Variants in FAXC observed in about 807,000 individuals in gnomAD.
FAXC encodes the protein failed axon connections homolog, metaxin like GST domain containing.
In FAXC, 10 loss-of-function variants were observed where a neutral mutation model predicts 41.9. The observed-to-expected ratio is 0.24, with a 90% CI of 0.15 to 0.41. The LOEUF is 0.41. FAXC is among the 10% of genes least tolerant of loss of function. The pLI, the probability that FAXC is intolerant of heterozygous loss-of-function variation, is 1.00. For missense variants in FAXC, 399 were observed against 510.9 expected, an observed-to-expected ratio of 0.78 and a Z score of 2.11; for synonymous variants, 183 against 183.8, an observed-to-expected ratio of 1.00 and a Z score of 0.03.
chr6:99,332,709 A>G (rs1320427161), intron 3 of FAXC, among the ~76,000 whole-genome samples: 1 of 152,202 alleles, frequency 6.6e-6, no homozygotes, highest in East Asian at 1.9e-4. Flanking sequence ...CTTCTGGAAC[A>G]TACAGAAGCT....
At chr6:99,299,247 C>T (rs942658982) in intron 4 of FAXC, among the ~76,000 whole-genome samples, 1 of 152,184 alleles carries the variant, frequency 6.6e-6, no homozygotes, top group Non-Finnish European at 1.5e-5. Flanking sequence ...ATCTCATCTC[C>T]TTCCTCCCTA....
At chr6:99,320,308 T>A (rs1171864058) in intron 4 of FAXC, among the ~76,000 whole-genome samples, 2 of 152,200 alleles carry the variant, frequency 1.3e-5, no homozygotes, top group African/African-American at 2.4e-5. Context: ...ATTAATGTAT[T>A]TTATATCATA....
At position 99,349,171 on chromosome 6, in the gene FAXC, A is replaced by C; in HGVS notation, c.202T>G (p.Tyr68Asp). ...GSDPWWKKTL[Y>D]LTGGALLAAA... ...GCCAGCAAAGCTCCCCCGGTCAAGT[A>C]AAGGGTTTTCTTCCACCAGGGATCG... The change falls in exon 1 of 6, where the codon TAC becomes GAC. Residue 68 changes from tyrosine to aspartate, a missense_variant. By Grantham distance (160) the Tyr-to-Asp change is radical. This residue lies in a region of FAXC where 239 missense variants were observed against 352.7 expected (regional missense o/e 0.68). Coordinates refer to ENST00000389677, the MANE Select transcript of FAXC (RefSeq NM_032511.4). The C allele has an allele frequency of 6.2e-7, 1 of 1,613,842 alleles. No homozygotes were observed. The highest frequency in any genetic ancestry group is 8.5e-7 in the Non-Finnish European group (1 of 1,180,002).
At chr6:99,339,941 A>C (rs1773359598) in intron 2 of FAXC, among the ~76,000 whole-genome samples, 1 of 152,228 alleles carries the variant, frequency 6.6e-6, no homozygotes, top group Non-Finnish European at 1.5e-5. Context: ...AGAATTCAAA[A>C]GAGATGAAAG....
chr6:99,285,061 G>A (rs1272155734), intron 5 of FAXC, among the ~76,000 whole-genome samples: 1 of 151,668 alleles, frequency 6.6e-6, no homozygotes, highest in Admixed American at 6.6e-5. Context: ...CAATGCTGAT[G>A]AGGATGTGGA....
intron 5 of FAXC, among the ~76,000 whole-genome samples, chr6:99,289,689 A>ATGTGTGTG (rs58098982): frequency 6.8e-6 from 1 of 146,588 alleles, no homozygotes; most frequent in Non-Finnish European, 1.5e-5. Context: ...ACATATGTAT[A>ATGTGTGTG]TGTGTGTGTG....
intron 4 of FAXC, among the ~76,000 whole-genome samples, chr6:99,305,688 T>C (rs982868978): frequency 2.8e-5 from 4 of 142,378 alleles, no homozygotes; most frequent in African/African-American, 1.1e-4. Flanking sequence ...TTATATATTA[T>C]ACATATATGC....
chr6:99,303,138 G>A (rs1401724357), intron 4 of FAXC, among the ~76,000 whole-genome samples: 2 of 152,152 alleles, frequency 1.3e-5, no homozygotes, highest in Non-Finnish European at 2.9e-5. Context: ...TAACCTCTCC[G>A]ACAAGTGAAC....
chr6:99,346,750 T>C (rs940741672), intron 1 of FAXC, among the ~76,000 whole-genome samples: 2 of 152,148 alleles, frequency 1.3e-5, no homozygotes, highest in African/African-American at 4.8e-5. Flanking sequence ...CAGGCTCTGA[T>C]TTGAATCTAG....
intron 4 of FAXC, among the ~76,000 whole-genome samples, chr6:99,317,400 A>C (rs1482866297): frequency 6.6e-6 from 1 of 152,224 alleles, no homozygotes; most frequent in Admixed American, 6.5e-5. Context: ...AACCTAATCA[A>C]ACGTACTTAA....
At chr6:99,306,026 G>A (rs941332646) in intron 4 of FAXC, among the ~76,000 whole-genome samples, 3 of 152,012 alleles carry the variant, frequency 2.0e-5, no homozygotes, top group Admixed American at 1.3e-4. Context: ...AAAGCAAGGT[G>A]ATGTGATAGA....
At chr6:99,285,783 A>T (rs1771008649) in intron 5 of FAXC, among the ~76,000 whole-genome samples, 1 of 152,188 alleles carries the variant, frequency 6.6e-6, no homozygotes, top group Admixed American at 6.5e-5. Context: ...TAGAATAAAG[A>T]ACCTTTCTGT....
Position 99,323,439 on chromosome 6 carries a change from A to G in FAXC, c.823+5T>C, listed in dbSNP as rs1772662692. ...AATATAGAAATAGAAGGTGTGGTAC[A>G]TTACCCAAAAGCCCTGCTAAAGACC... On this transcript the variant is annotated splice_donor_5th_base_variant and intron_variant, in intron 4 of 5. Coordinates refer to ENST00000389677, the MANE Select transcript of FAXC (RefSeq NM_032511.4). 6.2e-7 allele frequency: 1 copy of G among 1,612,336 alleles called. No homozygotes were observed. Among genetic ancestry groups the G allele is most frequent in the South Asian group, 1.1e-5 (1 of 90,986 alleles).
At chr6:99,316,963 TC>T in intron 4 of FAXC, among the ~76,000 whole-genome samples, 1 of 152,268 alleles carries the variant, frequency 6.6e-6, no homozygotes, top group Non-Finnish European at 1.5e-5. Context: ...ACTTTGCAAC[TC>T]CCTACTCTTT....
intron 2 of FAXC, among the ~76,000 whole-genome samples, chr6:99,338,719 T>C (rs936781868): frequency 6.6e-6 from 1 of 152,214 alleles, no homozygotes; most frequent in Middle Eastern, 3.2e-3. Context: ...CATCTTCAAG[T>C]GCTGACTGCC....
intron 4 of FAXC, among the ~76,000 whole-genome samples, chr6:99,293,155 G>A (rs1462812355): frequency 6.6e-6 from 1 of 152,102 alleles, no homozygotes; most frequent in African/African-American, 2.4e-5. Flanking sequence ...ACCTTCCATG[G>A]CTTTTGAAAT....
intron 4 of FAXC, among the ~76,000 whole-genome samples, chr6:99,297,215 C>G (rs1021807562): frequency 6.6e-6 from 1 of 152,064 alleles, no homozygotes; most frequent in Non-Finnish European, 1.5e-5. Flanking sequence ...AGAGGGTTGA[C>G]CAGGAGATAA....
chr6:99,341,105 A>G (rs923176702), intron 2 of FAXC, among the ~76,000 whole-genome samples: 5 of 152,254 alleles, frequency 3.3e-5, no homozygotes, highest in Admixed American at 1.3e-4. Flanking sequence ...ACTTTAATTC[A>G]TTTAACAAAT....
intron 4 of FAXC, among the ~76,000 whole-genome samples, chr6:99,320,033 T>C (rs1772534156): frequency 6.6e-6 from 1 of 152,192 alleles, no homozygotes. Context: ...GTCAGAACCC[T>C]CCCAAAACTA....
Sources: gnomAD v4.1 joint callset for allele counts (sites outside exome capture counted in the v4.1 genomes callset) on GRCh38, gnomAD v4.1.1 for gene constraint, gnomAD v4.1.1 regional missense constraint, MANE v1.5 for transcripts, NCBI Gene and HGNC (gene_info 2026-07-23, HGNC 2026-07-21) for gene names.